COL8A1: variants seen among roughly 807,000 people sequenced by gnomAD.
COL8A1 encodes collagen alpha-1(VIII) chain.
Under a neutral mutation model 42.7 loss-of-function variants are expected in COL8A1, and 21 were observed. The observed-to-expected ratio is 0.49, with a 90% CI of 0.35 to 0.71. The LOEUF (loss-of-function observed/expected upper bound fraction) is 0.71. Among genes scored for constraint, COL8A1 ranks in the 30% least tolerant of loss-of-function variants. The pLI, the probability that COL8A1 is intolerant of heterozygous loss-of-function variation, is 0.01. For synonymous variants in COL8A1, 367 were observed against 369.1 expected (o/e 0.99, Z 0.06); for missense variants, 788 against 962.4 (o/e 0.82, Z 2.40).
rs868750490 is a variant in COL8A1, at chr3:99,790,778, G to A, written c.96G>A (p.Gly32=). 3 of 1,614,046 alleles carry A rather than the reference G, an allele frequency of 1.9e-6. No individual in the cohort carries two copies. The highest frequency in any genetic ancestry group is 1.7e-6 in the Non-Finnish European group (2 of 1,180,040). The stretch of plus-strand genomic sequence containing the variant: ...TCATTCAGGCTGGTGCCTACTATGG[G>A]ATCAAGCCGCTGCCACCTCAAATTC... ...IRLIQAGAYY[G]IKPLPPQIPP... Residue 32 remains glycine (G), a synonymous_variant, in exon 3 of 4, where the codon GGG becomes GGA. Transcript: ENST00000652472.
chr3:99,675,720 A>T (rs1288868428), intron 1 of COL8A1: 1 of 152,500 alleles, frequency 6.6e-6, no homozygotes, highest in Non-Finnish European at 1.5e-5. Flanking sequence ...GACAACTGAA[A>T]GGTAATATTT....
At chr3:99,695,937 C>G (rs1939353515) in intron 1 of COL8A1, among the ~76,000 whole-genome samples, 1 of 152,170 alleles carries the variant, frequency 6.6e-6, no homozygotes, top group South Asian at 2.1e-4. Flanking sequence ...AGTTTGAGAC[C>G]AGCCTGGCCA....
At chr3:99,781,647 A>G (rs896219240) in intron 2 of COL8A1, among the ~76,000 whole-genome samples, 3 of 152,110 alleles carry the variant, frequency 2.0e-5, no homozygotes, top group Admixed American at 6.5e-5. Flanking sequence ...GCCTTAAAAC[A>G]CTTATTTTAC....
intron 2 of COL8A1, among the ~76,000 whole-genome samples, chr3:99,755,762 T>C (rs1279941683): frequency 6.6e-6 from 1 of 152,166 alleles, no homozygotes; most frequent in Non-Finnish European, 1.5e-5. Flanking sequence ...GTTTGGCTTG[T>C]TGCAAGATGG....
rs1313141800 is a variant in COL8A1 at position 99,794,535 on chromosome 3, G to A, written c.634G>A (p.Gly212Arg). 1.9e-6 allele frequency: 3 copies of A among 1,614,058 alleles called. No individual in the cohort carries two copies. The highest frequency in any genetic ancestry group is 1.1e-5 in the South Asian group (1 of 91,086). ...HGLPGIGKPG[G>R]PGLPGQPGPK... ...ACTTCCTGGCATTGGGAAGCCAGGT[G>A]GGCCAGGGTTACCAGGGCAACCAGG... Residue 212 changes from glycine to arginine, a missense_variant, in exon 4 of 4, where the codon GGG (glycine) becomes AGG (arginine). Around this residue, in one of 4 missense-constraint regions of COL8A1, gnomAD observed 421 missense variants for 553.1 expected, o/e 0.76. Coordinates refer to ENST00000652472, the MANE Select transcript of COL8A1 (RefSeq NM_020351.4). This position sits in a 1 kb window ranked among gnomAD's most constrained non-coding sequence, Gnocchi z 4.3.
intron 1 of COL8A1, among the ~76,000 whole-genome samples, chr3:99,669,122 ATTAT>A (rs1445794964): frequency 8.6e-6 from 1 of 116,214 alleles, no homozygotes; most frequent in African/African-American, 3.5e-5. Flanking sequence ...TCTTAAAAAA[ATTAT>A]ATATATATAT....
chr3:99,792,387 A>G (rs1315920517), intron 3 of COL8A1, among the ~76,000 whole-genome samples: 1 of 152,196 alleles, frequency 6.6e-6, no homozygotes, highest in Non-Finnish European at 1.5e-5. Context: ...TACTAGTGAC[A>G]TAAGTATTAT....
chr3:99,651,425 T>G (rs1413105762), intron 1 of COL8A1, among the ~76,000 whole-genome samples: 1 of 152,260 alleles, frequency 6.6e-6, no homozygotes, highest in Non-Finnish European at 1.5e-5. Flanking sequence ...TTTTTGTCTC[T>G]ATTTCTGTGT....
intron 1 of COL8A1, among the ~76,000 whole-genome samples, chr3:99,744,007 C>G (rs1033389099): frequency 2.0e-5 from 3 of 151,932 alleles, no homozygotes; most frequent in African/African-American, 7.3e-5. Flanking sequence ...CGGCTCACCG[C>G]AAGCTCCGCC....
intron 2 of COL8A1, among the ~76,000 whole-genome samples, chr3:99,765,099 A>G (rs1267198046): frequency 2.6e-5 from 4 of 152,248 alleles, no homozygotes; most frequent in Non-Finnish European, 4.4e-5. Flanking sequence ...GGAATAACAG[A>G]ATATAATACA....
intron 1 of COL8A1, among the ~76,000 whole-genome samples, chr3:99,709,585 C>A (rs993486352): frequency 6.6e-6 from 1 of 152,084 alleles, no homozygotes; most frequent in African/African-American, 2.4e-5. Context: ...AATCTCACTC[C>A]ACTTTTTAAA....
chr3:99,727,229 T>C (rs1940361976), intron 1 of COL8A1, among the ~76,000 whole-genome samples: 1 of 151,844 alleles, frequency 6.6e-6, no homozygotes, highest in African/African-American at 2.4e-5. Flanking sequence ...GTTATTGGTG[T>C]ATAAGAATGC....
intron 1 of COL8A1, among the ~76,000 whole-genome samples, chr3:99,696,688 T>TC (rs1332259938): frequency 6.6e-6 from 1 of 152,054 alleles, no homozygotes; most frequent in African/African-American, 2.4e-5. Flanking sequence ...CATTCATCAG[T>TC]CCCCGGGGTT....
intron 1 of COL8A1, among the ~76,000 whole-genome samples, chr3:99,704,572 A>T (rs1335958261): frequency 6.6e-6 from 1 of 152,324 alleles, no homozygotes; most frequent in East Asian, 1.9e-4. Flanking sequence ...GTCGAATTAC[A>T]CAGAGCAGCA....
intron 1 of COL8A1, among the ~76,000 whole-genome samples, chr3:99,666,830 C>T (rs1938381789): frequency 6.6e-6 from 1 of 152,144 alleles, no homozygotes; most frequent in African/African-American, 2.4e-5. Flanking sequence ...AAGAAATTCC[C>T]TTTGCTCTAC....
At chr3:99,770,064 C>CT (rs1356082400) in intron 2 of COL8A1, among the ~76,000 whole-genome samples, 2 of 152,100 alleles carry the variant, frequency 1.3e-5, no homozygotes. Flanking sequence ...CCAGGACAAA[C>CT]TTTTTTATGA....
intron 2 of COL8A1, among the ~76,000 whole-genome samples, chr3:99,771,280 A>G (rs1456519145): frequency 1.3e-5 from 2 of 152,230 alleles, no homozygotes. Context: ...CATTTGTTAA[A>G]TAAGAGAGAA....
At chr3:99,658,704 A>G (rs1197177148) in intron 1 of COL8A1, among the ~76,000 whole-genome samples, 1 of 152,234 alleles carries the variant, frequency 6.6e-6, no homozygotes. Context: ...ACAAAGGTCA[A>G]CCAAGGGTCT....
At chr3:99,667,630 T>C (rs1008005340) in intron 1 of COL8A1, among the ~76,000 whole-genome samples, 1 of 152,170 alleles carries the variant, frequency 6.6e-6, no homozygotes, top group African/African-American at 2.4e-5. Flanking sequence ...CAGGAACTAA[T>C]AAGACAGGAT....
Sources: gnomAD v4.1 joint callset for allele counts (sites outside exome capture counted in the v4.1 genomes callset) on GRCh38, gnomAD v4.1.1 for gene constraint, gnomAD v4.1.1 regional missense constraint, Gnocchi (gnomAD v3.1) non-coding constraint, MANE v1.5 for transcripts, NCBI Gene and HGNC (gene_info 2026-07-23, HGNC 2026-07-21) for gene names.